Variants in CCDC91 observed in about 807,000 individuals in gnomAD.
CCDC91 encodes the protein coiled-coil domain-containing protein 91.
In CCDC91, 48 loss-of-function variants were observed where a neutral mutation model predicts 63.2. The ratio of observed to expected loss-of-function variants is 0.76; its 90% confidence interval spans 0.60 to 0.97. The LOEUF (loss-of-function observed/expected upper bound fraction) is 0.97, where lower values mean the gene tolerates loss of function less well. Among genes scored for constraint, CCDC91 ranks in the 50% least tolerant of loss-of-function variants. CCDC91 has a pLI of 0.00. For missense variants in CCDC91, 500 were observed against 494.6 expected (o/e 1.01, Z -0.10); for synonymous variants, 167 against 165.8 (o/e 1.01, Z -0.06).
chr12:28,197,638 T>C (rs60193273), intron 1 of CCDC91, among the ~76,000 whole-genome samples: 39,668 of 152,032 alleles, frequency 0.26, 5,452 homozygotes, highest in Non-Finnish European at 0.31. Context: ...TGCTTTTATT[T>C]GTAGGCTATA....
chr12:28,499,355 T>TTTCTCTTATTA (rs60024235), intron 12 of CCDC91, among the ~76,000 whole-genome samples: 19 of 150,998 alleles, frequency 1.3e-4, no homozygotes, highest in South Asian at 2.1e-4. Flanking sequence ...GCACCTCACT[T>TTTCTCTTATTA]TTATTATTAT....
chr12:28,251,886 T>C (rs1946140262), intron 1 of CCDC91, among the ~76,000 whole-genome samples: 1 of 152,154 alleles, frequency 6.6e-6, no homozygotes, highest in East Asian at 1.9e-4. Flanking sequence ...ATCCCTTTGC[T>C]TTTCACTTTA....
intron 1 of CCDC91, among the ~76,000 whole-genome samples, chr12:28,226,710 T>A (rs1218349028): frequency 6.6e-6 from 1 of 152,188 alleles, no homozygotes; most frequent in Non-Finnish European, 1.5e-5. Context: ...CCATTCTGTA[T>A]TAATATTCCC....
intron 12 of CCDC91, among the ~76,000 whole-genome samples, chr12:28,495,029 A>G (rs1377059128): frequency 2.6e-5 from 4 of 151,760 alleles, no homozygotes; most frequent in East Asian, 3.9e-4. Context: ...CATTCTGACC[A>G]GTAGTACAAC....
At chr12:28,439,953 T>C (rs528946038) in intron 8 of CCDC91, among the ~76,000 whole-genome samples, 2 of 151,766 alleles carry the variant, frequency 1.3e-5, no homozygotes, top group African/African-American at 2.4e-5. Flanking sequence ...TGGTTTGCAT[T>C]TATTTCTTCA....
intron 1 of CCDC91, among the ~76,000 whole-genome samples, chr12:28,217,022 A>G (rs1393477219): frequency 6.6e-6 from 1 of 152,142 alleles, no homozygotes; most frequent in Non-Finnish European, 1.5e-5. Context: ...CATTCGTATA[A>G]TACTACTCAG....
At position 28,302,529 on chromosome 12, in the gene CCDC91, A is replaced by G. The variant is rs572547355; in HGVS notation, c.110-3120A>G. On this transcript the variant is annotated intron_variant, in intron 3 of 12. Transcript: ENST00000536442. ...AAGGCTGCATAATGCATAAATTGTT[A>G]ATGTTTAAATTTGAATCCATTTCTT... The G allele has an allele frequency of 8.7e-5, 45 of 514,424 alleles. No homozygotes were observed. In the South Asian group the frequency reaches 3.1e-3, roughly 36 times the overall value. The allele number at this position is 514,424 out of a possible 1,614,324, so 31.9% of individuals were successfully genotyped here. A position where few individuals can be genotyped will look rare whatever the true frequency, so the allele number is the denominator to read the frequency against.
intron 3 of CCDC91, among the ~76,000 whole-genome samples, chr12:28,295,081 A>G (rs1242444587): frequency 6.6e-6 from 1 of 152,174 alleles, no homozygotes; most frequent in Admixed American, 6.5e-5. Flanking sequence ...AGCTCTTCAT[A>G]TGTTGTAGGA....
intron 12 of CCDC91, among the ~76,000 whole-genome samples, chr12:28,524,052 G>T (rs1171193933): frequency 1.3e-5 from 2 of 152,104 alleles, no homozygotes; most frequent in Non-Finnish European, 2.9e-5. Flanking sequence ...CAGCCAGAGA[G>T]AAAGGTCAGG....
intron 6 of CCDC91, among the ~76,000 whole-genome samples, chr12:28,352,793 G>A (rs1441034356): frequency 4.0e-5 from 1 of 24,748 alleles, no homozygotes; most frequent in African/African-American, 4.6e-5. Context: ...TAGAACACAG[G>A]CAAGAGCAGC....
intron 1 of CCDC91, among the ~76,000 whole-genome samples, chr12:28,231,204 T>A (rs1944574563): frequency 6.6e-6 from 1 of 152,212 alleles, no homozygotes; most frequent in South Asian, 2.1e-4. Context: ...ATCCTGTCTC[T>A]GTGGGTTGGA....
intron 12 of CCDC91, among the ~76,000 whole-genome samples, chr12:28,500,405 T>C (rs1180661957): frequency 6.6e-6 from 1 of 152,164 alleles, no homozygotes; most frequent in East Asian, 1.9e-4. Context: ...GTTTTAGTCA[T>C]GAAGTCTTTG....
intron 8 of CCDC91, among the ~76,000 whole-genome samples, chr12:28,446,190 T>C (rs565038133): frequency 6.6e-6 from 1 of 152,098 alleles, no homozygotes; most frequent in Non-Finnish European, 1.5e-5. Context: ...GACTGGAGAA[T>C]TTTTTTCTAA....
intron 7 of CCDC91, among the ~76,000 whole-genome samples, chr12:28,368,987 A>G (rs1466733683): frequency 1.3e-5 from 2 of 152,168 alleles, no homozygotes; most frequent in East Asian, 3.9e-4. Context: ...CATGGGAATT[A>G]CAAATCAAGA....
chr12:28,321,830 A>T (rs1350267993), intron 6 of CCDC91, among the ~76,000 whole-genome samples: 2 of 151,800 alleles, frequency 1.3e-5, no homozygotes, highest in Non-Finnish European at 2.9e-5. Context: ...TAACACATGG[A>T]GTATAGCTGT....
chr12:28,467,028 T>A (rs932410878), intron 11 of CCDC91, among the ~76,000 whole-genome samples: 9 of 152,098 alleles, frequency 5.9e-5, no homozygotes, highest in African/African-American at 2.2e-4. Flanking sequence ...TAAGTTGTTA[T>A]GAGCTTAAAA....
At chr12:28,420,757 GTT>G (rs575991136) in intron 8 of CCDC91, among the ~76,000 whole-genome samples, 1,913 of 142,296 alleles carry the variant, frequency 0.013, 47 homozygotes, top group African/African-American at 0.046. Flanking sequence ...GCATTTTATG[GTT>G]TTTTTTTTTT....
At chr12:28,201,106 G>T (rs9766606) in intron 1 of CCDC91, among the ~76,000 whole-genome samples, 1 of 142,712 alleles carries the variant, frequency 7.0e-6, no homozygotes. Flanking sequence ...CCTCCCGGAC[G>T]GGGCGGCTGG....
chr12:28,243,388 G>C (rs1945476712), intron 1 of CCDC91, among the ~76,000 whole-genome samples: 1 of 152,126 alleles, frequency 6.6e-6, no homozygotes, highest in South Asian at 2.1e-4. Context: ...ATATGAGAAA[G>C]TTAAACATGT....
Sources: allele counts gnomAD v4.1 joint callset (sites outside exome capture counted in the v4.1 genomes callset), GRCh38; gene constraint gnomAD v4.1.1; transcripts MANE v1.5; gene names NCBI Gene and HGNC (gene_info 2026-07-23, HGNC 2026-07-21).